Variants in NUP98 observed in about 807,000 individuals in gnomAD.
The protein encoded by NUP98 is nuclear pore complex protein Nup98-Nup96.
Under a neutral mutation model 191.9 loss-of-function variants are expected in NUP98, and 26 were observed. The observed-to-expected ratio is 0.14, with a 90% CI of 0.10 to 0.19. NUP98 has a LOEUF of 0.19. NUP98 is among the 10% of genes least tolerant of loss of function. The probability of loss-of-function intolerance (pLI) is 1.00; values close to 1 mark genes in which losing one functional copy is unlikely to be tolerated. For missense variants in NUP98, 1,941 were observed against 2,178.8 expected, an observed-to-expected ratio of 0.89 and a Z score of 2.17; for synonymous variants, 808 against 778.4, an observed-to-expected ratio of 1.04 and a Z score of -0.63.
intron 1 of NUP98, among the ~76,000 whole-genome samples, chr11:3,783,551 T>G (rs1244989410): frequency 1.3e-5 from 2 of 151,984 alleles, no homozygotes; most frequent in African/African-American, 4.8e-5. Context: ...ATACAAAAAT[T>G]AGCCAGGCGT....
In NUP98 at chr11:3,782,065, C is replaced by T; in HGVS notation, c.53G>A (p.Gly18Asp). The change falls in exon 2 of 33, where the codon GGC becomes GAC. Residue 18 changes from glycine (G) to aspartate (D), a missense_variant. Transcript: ENST00000324932. Reference protein sequence around the residue: ...TPFGGGTGGFGTTSTFGQNTG... With the variant: ...TPFGGGTGGFDTTSTFGQNTG... The stretch of plus-strand genomic sequence containing the variant: ...ACTCTGTCCAAATGTTGAAGTTGTG[C>T]CAAAGCCACCTGTGCCACCCCCAAA... 1 of 1,612,718 alleles carries T rather than the reference C, an allele frequency of 6.2e-7. No homozygotes were observed. Among genetic ancestry groups the T allele is most frequent in the East Asian group, 2.2e-5 (1 of 44,764 alleles).
At chr11:3,770,999 A>G (rs956409458) in intron 7 of NUP98, among the ~76,000 whole-genome samples, 2 of 152,062 alleles carry the variant, frequency 1.3e-5, no homozygotes, top group African/African-American at 4.8e-5. Flanking sequence ...AGTAGTTGGG[A>G]TTACAGGTGC....
intron 28 of NUP98, among the ~76,000 whole-genome samples, chr11:3,690,749 T>C (rs1392461212): frequency 6.6e-6 from 1 of 152,194 alleles, no homozygotes; most frequent in Non-Finnish European, 1.5e-5. Flanking sequence ...CTTCTGGATA[T>C]GTTCATAGCA....
intron 1 of NUP98, among the ~76,000 whole-genome samples, chr11:3,789,505 T>C (rs968919013): frequency 6.0e-5 from 9 of 150,756 alleles, no homozygotes; most frequent in Middle Eastern, 3.4e-3. Context: ...CTATTTCTTT[T>C]TTTTTTTTTT....
intron 1 of NUP98, among the ~76,000 whole-genome samples, chr11:3,795,681 AAC>A (rs2082505380): frequency 6.6e-6 from 1 of 152,242 alleles, no homozygotes; most frequent in Non-Finnish European, 1.5e-5. Flanking sequence ...TAATTAAAAA[AAC>A]AGCTAAAATA....
intron 16 of NUP98, among the ~76,000 whole-genome samples, chr11:3,722,806 G>A (rs1429141663): frequency 6.6e-6 from 1 of 152,028 alleles, no homozygotes; most frequent in Admixed American, 6.6e-5. Context: ...GAGCGACACT[G>A]TCTCAAGAAA....
chr11:3,683,300 T>C lies in NUP98; in HGVS notation c.4818A>G (p.Arg1606=), dbSNP rs2078031699. Residue 1606 remains arginine (R), a synonymous_variant, in exon 30 of 33, where the codon CGA becomes CGG. Coordinates refer to ENST00000324932, the MANE Select transcript of NUP98 (RefSeq NM_016320.5). ...AKWIHEAKAV[R]AHMESDKHLE... The stretch of plus-strand genomic sequence containing the variant: ...AGTGCTTGTCAGATTCCATGTGTGC[T>C]CGCACAGCTTTGGCCTCGTGGATCC... The C allele has an allele frequency of 6.2e-7, 1 of 1,614,186 alleles. No individual in the cohort carries two copies. The highest frequency in any genetic ancestry group is 1.1e-5 in the South Asian group (1 of 91,084).
In NUP98 at chr11:3,797,500, A is replaced by ACCACCCCTGCCACCGACCGCCGCTT; in HGVS notation, c.-154_-130dup. The ACCACCCCTGCCACCGACCGCCGCTT allele has an allele frequency of 2.3e-6, 1 of 435,644 alleles. No individual in the cohort carries two copies. Among genetic ancestry groups the ACCACCCCTGCCACCGACCGCCGCTT allele is most frequent in the Non-Finnish European group, 4.0e-6 (1 of 248,020 alleles). The allele number at this position is 435,644 out of a possible 1,614,324, so 27.0% of individuals were successfully genotyped here. A position where few individuals can be genotyped will look rare whatever the true frequency, so the allele number is the denominator to read the frequency against. On this transcript the variant is annotated 5_prime_UTR_variant, in exon 1 of 33. Transcript: ENST00000324932. The stretch of plus-strand genomic sequence containing the variant: ...CCACGAAACCGTCGCCGCCGCCGCT[A>ACCACCCCTGCCACCGACCGCCGCTT]CCACCCCTGCCACCGACCGCCGCTT...
intron 11 of NUP98, among the ~76,000 whole-genome samples, chr11:3,748,668 A>G (rs1020207278): frequency 1.3e-5 from 2 of 152,166 alleles, no homozygotes; most frequent in Non-Finnish European, 2.9e-5. Context: ...ATTAACAACA[A>G]AAAAAGAAAA....
chr11:3,729,539 T>C (rs1356936316), intron 14 of NUP98, among the ~76,000 whole-genome samples: 1 of 84,698 alleles, frequency 1.2e-5, no homozygotes, highest in African/African-American at 4.5e-5. Context: ...AGACCCTGTA[T>C]CTCCAAAAAA....
chr11:3,675,393 T>C lies in NUP98; in HGVS notation c.*766A>G. The C allele has an allele frequency of 4.4e-6, 1 of 224,828 alleles. No individual in the cohort carries two copies. Among genetic ancestry groups the C allele is most frequent in the Non-Finnish European group, 8.8e-6 (1 of 113,074 alleles). The allele number at this position is 224,828 out of a possible 1,614,324, so 13.9% of individuals were successfully genotyped here. A position where few individuals can be genotyped will look rare whatever the true frequency, so the allele number is the denominator to read the frequency against. On this transcript the variant is annotated 3_prime_UTR_variant, in exon 33 of 33. Coordinates refer to ENST00000324932, the MANE Select transcript of NUP98 (RefSeq NM_016320.5). ...CCAACCTGCCATTTTTTATCCAAACTCTGCAGGCAAATCCAGACAGAGTCT... is the reference window on the plus strand; with the variant it reads ...CCAACCTGCCATTTTTTATCCAAACCCTGCAGGCAAATCCAGACAGAGTCT...
chr11:3,759,412 C>T (rs1197617360), intron 10 of NUP98, among the ~76,000 whole-genome samples: 1 of 152,084 alleles, frequency 6.6e-6, no homozygotes, highest in African/African-American at 2.4e-5. Flanking sequence ...GCCTGGCCTA[C>T]ATGGTGAAAC....
At chr11:3,731,649 A>G in intron 13 of NUP98, 71 bp from the exon 14 acceptor site, 2 of 1,052,658 alleles carry the variant, frequency 1.9e-6, no homozygotes, top group Non-Finnish European at 1.3e-6. Flanking sequence ...AAAAATCACA[A>G]GACCAGATTT....
chr11:3,763,428 T>C (rs1403373388), intron 8 of NUP98, among the ~76,000 whole-genome samples: 2 of 152,180 alleles, frequency 1.3e-5, no homozygotes, highest in African/African-American at 2.4e-5. Flanking sequence ...TCTAGGTCCT[T>C]CATTTTCAAC....
chr11:3,762,527 C>T (rs775752020), intron 9 of NUP98, among the ~76,000 whole-genome samples: 8 of 152,080 alleles, frequency 5.3e-5, no homozygotes, highest in Admixed American at 2.0e-4. Context: ...ATTTCATTCC[C>T]AAACATCATA....
chr11:3,771,349 C>T (rs2081525245), intron 7 of NUP98, among the ~76,000 whole-genome samples: 1 of 152,184 alleles, frequency 6.6e-6, no homozygotes, highest in African/African-American at 2.4e-5. Context: ...AAATTCAAGT[C>T]TTGATATTGG....
chr11:3,749,913 T>C (rs1325767986), intron 11 of NUP98, among the ~76,000 whole-genome samples: 2 of 152,184 alleles, frequency 1.3e-5, no homozygotes, highest in African/African-American at 2.4e-5. Flanking sequence ...AAAGGCAAAT[T>C]AGCAAATTCA....
At chr11:3,676,852 T>G (rs922944872) in intron 31 of NUP98, 2 of 622,474 alleles carry the variant, frequency 3.2e-6, no homozygotes, top group African/African-American at 1.8e-5. Flanking sequence ...GGAAAAGTCT[T>G]GAGATCCCGA....
intron 1 of NUP98, among the ~76,000 whole-genome samples, chr11:3,794,538 G>A (rs2082464412): frequency 6.6e-6 from 1 of 151,990 alleles, no homozygotes. Context: ...TGTTGCCCAG[G>A]CTGGTCTCAA....
Sources: gnomAD v4.1 joint callset for allele counts (sites outside exome capture counted in the v4.1 genomes callset) on GRCh38, gnomAD v4.1.1 for gene constraint, MANE v1.5 for transcripts, NCBI Gene and HGNC (gene_info 2026-07-23, HGNC 2026-07-21) for gene names.